Variants in MUC4 observed in about 807,000 individuals in gnomAD.
MUC4 encodes the protein mucin-4.
A neutral mutation model predicts 257.9 loss-of-function variants in MUC4; 202 were observed. The ratio of observed to expected loss-of-function variants is 0.78; its 90% confidence interval spans 0.70 to 0.88. The LOEUF (loss-of-function observed/expected upper bound fraction) is 0.88. Ranked by LOEUF, MUC4 falls within the 40% of genes least tolerant of loss-of-function variation. The pLI, the probability that MUC4 is intolerant of heterozygous loss-of-function variation, is 0.00. For synonymous variants in MUC4, 2,351 were observed against 2,757.1 expected (o/e 0.85, Z 4.62); for missense variants, 5,976 against 6,513.7 (o/e 0.92, Z 2.84).
intron 1 of MUC4, among the ~76,000 whole-genome samples, chr3:195,793,186 T>A (rs139243687): frequency 6.6e-6 from 1 of 150,888 alleles, no homozygotes; most frequent in Non-Finnish European, 1.5e-5. Context: ...ACTGTACATA[T>A]TTGGGGGATA....
rs754892236 is a variant in MUC4 at position 195,748,950 on chromosome 3, C to T, written c.15986G>A (p.Cys5329Tyr). 1.2e-5 allele frequency: 20 copies of T among 1,605,912 alleles called. No individual in the cohort carries two copies. The highest frequency in any genetic ancestry group is 1.5e-5 in the Non-Finnish European group (18 of 1,176,430). Reference protein sequence around the residue: ...TCVSPCSRGYCDHGGQCQHLP... With the variant: ...TCVSPCSRGYYDHGGQCQHLP... ...GTGCTGGCACTGGCCTCCATGGTCA[C>T]AGTAGCCCCTACTGCACGGGGACAC... Residue 5329 changes from cysteine to tyrosine, a missense_variant, in exon 24 of 25, where the codon TGT becomes TAT. Cys to Tyr is a radical substitution (Grantham distance 194). Transcript: ENST00000463781.
At position 195,760,953 on chromosome 3, in the gene MUC4, G is replaced by A. The variant is rs148779874; in HGVS notation, c.14779C>T (p.Arg4927Cys). The A allele has an allele frequency of 1.1e-4, 174 of 1,614,106 alleles. 1 individual carries two copies. The highest frequency in any genetic ancestry group is 3.3e-5 in the South Asian group (3 of 91,088). Residue 4927 changes from arginine to cysteine, a missense_variant, in exon 16 of 25, where the codon CGC becomes TGC. Physicochemically the swap from Arg to Cys is radical, Grantham distance 180. This residue lies in a region of MUC4 where 996 missense variants were observed against 1,137.3 expected (regional missense o/e 0.88). Coordinates refer to ENST00000463781, the MANE Select transcript of MUC4 (RefSeq NM_018406.7). ...SSCIYDTLAL[R>C]NASIGLHTRE... ...GTGTGAAGTCCGATGCTTGCGTTGC[G>A]CAGGGCCAGGGTGTCATAGATGCAT...
intron 16 of MUC4, among the ~76,000 whole-genome samples, chr3:195,760,395 G>A (rs575243067): frequency 6.6e-6 from 1 of 152,238 alleles, no homozygotes; most frequent in East Asian, 1.9e-4. Flanking sequence ...TGTGAAGCCT[G>A]GGAGCTGAGC....
chr3:195,763,047 C>A, intron 12 of MUC4, 102 bp from the exon 13 acceptor site: 2 of 1,036,130 alleles, frequency 1.9e-6, no homozygotes, highest in Non-Finnish European at 2.9e-6. Flanking sequence ...GCGCCCTGGG[C>A]CGGGAGGAAG....
chr3:195,779,229 G>C lies in MUC4; in HGVS notation c.12351C>G (p.Asp4117Glu). The change falls in exon 2 of 25, where the codon GAC becomes GAG. Residue 4117 changes from aspartate (D) to glutamate (E), a missense_variant. Around this residue, in one of 44 missense-constraint regions of MUC4, gnomAD observed 293 missense variants for 294.5 expected, o/e 1.00. Transcript: ENST00000463781. ...CCTGACCTGTGGATGCAGAGGAAGT[G>C]TCGGTGACAGGAAGAGGCGTGGTGT... The part of the protein sequence containing the change: ...TGDTTPLPVT[D>E]TSSASTGQAT... 2 of 1,295,802 alleles carry C rather than the reference G, an allele frequency of 1.5e-6. No individual in the cohort carries two copies. Among genetic ancestry groups the C allele is most frequent in the East Asian group, 2.7e-5 (1 of 36,830 alleles). 80.3% of individuals were successfully genotyped at this position (1,295,802 alleles called of 1,614,324 possible). A position where few individuals can be genotyped will look rare whatever the true frequency, so the allele number is the denominator to read the frequency against.
intron 19 of MUC4, chr3:195,753,657 G>A (rs1716924780): frequency 4.3e-6 from 1 of 233,952 alleles, no homozygotes; most frequent in Non-Finnish European, 8.1e-6. Flanking sequence ...GCTTGGTAAA[G>A]GCCTCGCTGT....
chr3:195,791,847 T>C (rs1733904034), intron 1 of MUC4, among the ~76,000 whole-genome samples: 1 of 152,180 alleles, frequency 6.6e-6, no homozygotes, highest in Non-Finnish European at 1.5e-5. Context: ...TCTACAACCA[T>C]CTGATCTTTG....
At position 195,757,177 on chromosome 3, in the gene MUC4, C is replaced by T. The variant is rs1209427667; in HGVS notation, c.15138G>A (p.Gln5046=). 9 of 1,606,228 alleles carry T rather than the reference C, an allele frequency of 5.6e-6. No homozygotes were observed. The South Asian group carries it at 9.9e-5, about 18-fold the overall frequency. ...GGGAGGAGTTGCCCACCCTGCTGGT[C>T]TGATTGTACAAACACTGGCTCTCTG... The part of the protein sequence containing the change: ...CNAESQCLYN[Q]TSRVGNSSLE... Residue 5046 remains glutamine (Q), a synonymous_variant, in exon 18 of 25, where the codon CAG becomes CAA. Coordinates refer to ENST00000463781, the MANE Select transcript of MUC4 (RefSeq NM_018406.7). This position sits in a 1 kb window ranked among gnomAD's most constrained non-coding sequence, Gnocchi z 4.8.
At chr3:195,775,574 C>T (rs1448127697) in intron 3 of MUC4, among the ~76,000 whole-genome samples, 1 of 76,214 alleles carries the variant, frequency 1.3e-5, no homozygotes, top group Non-Finnish European at 2.6e-5. Flanking sequence ...ACCTTCCACA[C>T]CCATACCTTC....
Position 195,783,419 on chromosome 3 carries a change from G to C in MUC4, c.8161C>G (p.Leu2721Val), listed in dbSNP as rs746930704. ...GATGAGGAAGTGTCGGTGACAGGAAGAGAGGTGGTGTCACCTGTGTATGCT... is the reference window on the plus strand; with the variant it reads ...GATGAGGAAGTGTCGGTGACAGGAACAGAGGTGGTGTCACCTGTGTATGCT... ...SSAYTGDTTS[L>V]PVTDTSSSST... Residue 2721 changes from leucine to valine, a missense_variant, in exon 2 of 25, where the codon CTT (leucine) becomes GTT (valine). Physicochemically the swap from Leu to Val is conservative, Grantham distance 32. Around this residue, in one of 44 missense-constraint regions of MUC4, gnomAD observed 75 missense variants for 58.7 expected, o/e 1.28. Transcript: ENST00000463781. The C allele has an allele frequency of 4.4e-6, 3 of 674,856 alleles. No individual in the cohort carries two copies. Among genetic ancestry groups the C allele is most frequent in the African/African-American group, 9.9e-5 (2 of 20,188 alleles). 41.8% of individuals were successfully genotyped at this position (674,856 alleles called of 1,614,324 possible). A position where few individuals can be genotyped will look rare whatever the true frequency, so the allele number is the denominator to read the frequency against.
intron 18 of MUC4, among the ~76,000 whole-genome samples, chr3:195,754,802 GCA>G (rs1279799641): frequency 5.9e-5 from 9 of 151,428 alleles, no homozygotes; most frequent in African/African-American, 2.2e-4. Context: ...ATGCATGTAT[GCA>G]TGTATGTATC....
chr3:195,765,013 C>T lies in MUC4; in HGVS notation c.13908G>A (p.Gln4636=). Residue 4636 remains glutamine (Q), a synonymous_variant, in exon 10 of 25, where the codon CAG becomes CAA. Transcript: ENST00000463781. ...WGEFREGWHV[Q]RPWQLAQELE... ...CTCACGCACCCAACTGCCAAGGACG[C>T]TGCACGTGCCAGCCTTCACGAAACT... 6.2e-7 allele frequency: 1 copy of T among 1,613,922 alleles called. No homozygotes were observed. The highest frequency in any genetic ancestry group is 8.5e-7 in the Non-Finnish European group (1 of 1,179,986).
At chr3:195,795,532 C>G (rs1204279331) in intron 1 of MUC4, among the ~76,000 whole-genome samples, 2 of 151,996 alleles carry the variant, frequency 1.3e-5, no homozygotes, top group African/African-American at 4.8e-5. Flanking sequence ...GGGAAACACT[C>G]AGGAGTGAAG....
Position 195,747,083 on chromosome 3 carries a change from C to G in MUC4, c.*93G>C. ...AAGAATCCTGACAGCCTTCAGTCAC[C>G]TTCCCTTTTCCAGTCTCCCAAAAGC... On this transcript the variant is annotated 3_prime_UTR_variant, in exon 25 of 25. Transcript: ENST00000463781. The G allele has an allele frequency of 6.6e-7, 1 of 1,512,444 alleles. No individual in the cohort carries two copies. Among genetic ancestry groups the G allele is most frequent in the Non-Finnish European group, 9.1e-7 (1 of 1,095,726 alleles). 93.7% of individuals were successfully genotyped at this position (1,512,444 alleles called of 1,614,324 possible).
At chr3:195,767,726 ATCACCACCACCATCACCATCG>A (rs1721462918) in intron 7 of MUC4, among the ~76,000 whole-genome samples, 1 of 2,752 alleles carries the variant, frequency 3.6e-4, no homozygotes, top group Admixed American at 4.2e-3. Flanking sequence ...CACCACCACC[ATCACCACCACCATCACCATCG>A]CCACCACCAC....
Position 195,769,013 on chromosome 3 carries a change from C to G in MUC4, c.13529+9G>C, listed in dbSNP as rs760454775. The G allele has an allele frequency of 2.5e-6, 4 of 1,609,644 alleles. No individual in the cohort carries two copies. In the East Asian group the frequency reaches 6.7e-5, roughly 27 times the overall value. ...AACTGCTCAGTGCTGACAGCCCCTC[C>G]CATCCTACCTAGAGAAGCCCATGAG... On this transcript the variant is annotated intron_variant, in intron 7 of 24. Coordinates refer to ENST00000463781, the MANE Select transcript of MUC4 (RefSeq NM_018406.7).
At chr3:195,758,311 C>G (rs1348350546) in intron 17 of MUC4, among the ~76,000 whole-genome samples, 1 of 152,084 alleles carries the variant, frequency 6.6e-6, no homozygotes, top group East Asian at 1.9e-4. Flanking sequence ...CTACTGGGTC[C>G]TAGCCCAGGA....
Position 195,789,517 on chromosome 3 carries a change from G to C in MUC4, c.2063C>G (p.Thr688Ser). 5 of 1,613,978 alleles carry C rather than the reference G, an allele frequency of 3.1e-6. No individual in the cohort carries two copies. The highest frequency in any genetic ancestry group is 4.2e-6 in the Non-Finnish European group (5 of 1,179,888). Residue 688 changes from threonine (T) to serine (S), a missense_variant, in exon 2 of 25, where the codon ACC (threonine) becomes AGC (serine). Physicochemically the swap from Thr to Ser is moderately conservative, Grantham distance 58. This residue lies in a region of MUC4 where 1,583 missense variants were observed against 1,257.4 expected (regional missense o/e 1.26). Coordinates refer to ENST00000463781, the MANE Select transcript of MUC4 (RefSeq NM_018406.7). ...PSEIVPQDAP[T>S]ISAATTFAPA... ...GGCAAAGGTTGTTGCTGCACTTATG[G>C]TGGGTGCGTCCTGAGGAACAATTTC...
chr3:195,761,038 TTG>T lies in MUC4; in HGVS notation c.14692_14693del (p.Gln4898ThrfsTer9). On this transcript the variant is annotated frameshift_variant, in exon 16 of 25. Coordinates refer to ENST00000463781, the MANE Select transcript of MUC4 (RefSeq NM_018406.7). LOFTEE classifies it high-confidence loss of function. ...CAGCCCAGGAGCTGTTTTTTTGCAG[TTG>T]TGAGTAGAAAACAGGGGTGAAGTTG... ...PSNFTPVFYS[Q>X]LQKNSSWAEH... The T allele has an allele frequency of 6.2e-7, 1 of 1,614,188 alleles. No individual in the cohort carries two copies. The highest frequency in any genetic ancestry group is 1.7e-5 in the Admixed American group (1 of 60,032).
Sources: gnomAD v4.1 joint callset for allele counts (sites outside exome capture counted in the v4.1 genomes callset) on GRCh38, gnomAD v4.1.1 for gene constraint, gnomAD v4.1.1 regional missense constraint, Gnocchi (gnomAD v3.1) non-coding constraint, MANE v1.5 for transcripts, NCBI Gene and HGNC (gene_info 2026-07-23, HGNC 2026-07-21) for gene names.